The following SLC35F3 variants were observed in gnomAD, a reference collection of about 807,000 sequenced individuals.
SLC35F3 encodes the protein putative thiamine transporter SLC35F3.
In SLC35F3, 25 loss-of-function variants were observed where a neutral mutation model predicts 49.9. The observed-to-expected ratio is 0.50, with a 90% CI of 0.37 to 0.70. SLC35F3 has a LOEUF of 0.70. Ranked by LOEUF, SLC35F3 falls within the 30% of genes least tolerant of loss-of-function variation. The pLI is 0.00. For missense variants in SLC35F3, 525 were observed against 639.8 expected (o/e 0.82, Z 1.94); for synonymous variants, 275 against 265.4 (o/e 1.04, Z -0.35).
intron 3 of SLC35F3, among the ~76,000 whole-genome samples, chr1:234,254,187 T>C (rs781081843): frequency 1.3e-5 from 2 of 152,242 alleles, no homozygotes; most frequent in Non-Finnish European, 1.5e-5. Context: ...CTGGTTCATT[T>C]TTTTATGCCT....
At chr1:234,133,709 G>T (rs2102899428) in intron 2 of SLC35F3, among the ~76,000 whole-genome samples, 1 of 152,344 alleles carries the variant, frequency 6.6e-6, no homozygotes, top group South Asian at 2.1e-4. Flanking sequence ...TACCAAGTTA[G>T]AAATAAGATA....
At chr1:234,144,313 A>G (rs1359854556) in intron 2 of SLC35F3, among the ~76,000 whole-genome samples, 11 of 152,182 alleles carry the variant, frequency 7.2e-5, no homozygotes, top group African/African-American at 2.4e-4. Context: ...TTCCAAGGGC[A>G]GGTGCAGGAT....
chr1:234,320,929 A>G lies in SLC35F3; in HGVS notation c.1237+742A>G, dbSNP rs765284319. Among the ~76,000 whole-genome samples the G allele has an allele frequency of 1.3e-5, 2 of 152,118 alleles. No individual in the cohort carries two copies. Among genetic ancestry groups the G allele is most frequent in the African/African-American group, 2.4e-5 (1 of 41,410 alleles). On this transcript the variant is annotated intron_variant, in intron 7 of 7. Coordinates refer to ENST00000366618, the MANE Select transcript of SLC35F3 (RefSeq NM_173508.4). This position sits in a 1 kb window ranked among gnomAD's most constrained non-coding sequence, Gnocchi z 4.8. ...CCTAGGCATCCTTCTCTCAGCCAGA[A>G]AAGGGCTGTGAATCTGTCCTCCCCA...
At chr1:234,199,247 G>GA (rs370533027) in intron 2 of SLC35F3, among the ~76,000 whole-genome samples, 4 of 151,014 alleles carry the variant, frequency 2.6e-5, no homozygotes, top group South Asian at 4.2e-4. Flanking sequence ...AAAACGAAAA[G>GA]AAAAAAAACA....
chr1:233,970,231 G>T (rs1196943043), intron 2 of SLC35F3, among the ~76,000 whole-genome samples: 1 of 152,118 alleles, frequency 6.6e-6, no homozygotes, highest in African/African-American at 2.4e-5. Context: ...TTAGCACCCG[G>T]CCACCTTCTG....
intron 2 of SLC35F3, among the ~76,000 whole-genome samples, chr1:234,154,746 A>G (rs1394620390): frequency 6.6e-6 from 1 of 152,250 alleles, no homozygotes; most frequent in Non-Finnish European, 1.5e-5. Context: ...GGATGCCACC[A>G]TAATCTTTTT....
intron 2 of SLC35F3, among the ~76,000 whole-genome samples, chr1:234,019,485 T>C (rs1212593793): frequency 6.6e-6 from 1 of 152,188 alleles, no homozygotes; most frequent in Non-Finnish European, 1.5e-5. Flanking sequence ...AAAGAGTCGA[T>C]GTTGCAGCTT....
At chr1:234,050,004 A>G (rs1032622667) in intron 2 of SLC35F3, among the ~76,000 whole-genome samples, 1 of 152,188 alleles carries the variant, frequency 6.6e-6, no homozygotes, top group African/African-American at 2.4e-5. Context: ...TCCATGGTGT[A>G]TATGTGCCAC....
At chr1:234,094,040 C>T (rs1665083494) in intron 2 of SLC35F3, among the ~76,000 whole-genome samples, 1 of 152,232 alleles carries the variant, frequency 6.6e-6, no homozygotes, top group Admixed American at 6.5e-5. Context: ...GCACATGGCC[C>T]ACAGTCGCTG....
At chr1:234,081,857 C>T (rs946940335) in intron 2 of SLC35F3, among the ~76,000 whole-genome samples, 1 of 149,372 alleles carries the variant, frequency 6.7e-6, no homozygotes, top group Non-Finnish European at 1.5e-5. Context: ...TCTGCCTCAG[C>T]CTTCAGAGTA....
intron 2 of SLC35F3, among the ~76,000 whole-genome samples, chr1:233,983,232 C>T (rs921599311): frequency 2.6e-5 from 4 of 152,138 alleles, no homozygotes; most frequent in African/African-American, 9.7e-5. Flanking sequence ...TTTTTGCCAT[C>T]ATGAAACTTG....
intron 3 of SLC35F3, among the ~76,000 whole-genome samples, chr1:234,255,091 G>A (rs1004544198): frequency 1.3e-5 from 2 of 152,092 alleles, no homozygotes; most frequent in Admixed American, 1.3e-4. Context: ...GCCACCAACT[G>A]GGAGAAAATA....
chr1:234,189,475 C>T (rs1007585800), intron 2 of SLC35F3, among the ~76,000 whole-genome samples: 1 of 149,868 alleles, frequency 6.7e-6, no homozygotes, highest in African/African-American at 2.5e-5. Context: ...AACTTCAGAG[C>T]TCGAAGACAA....
intron 2 of SLC35F3, among the ~76,000 whole-genome samples, chr1:234,216,357 G>C (rs1488195399): frequency 6.6e-6 from 1 of 152,206 alleles, no homozygotes; most frequent in South Asian, 2.1e-4. Flanking sequence ...CACTGGAAGT[G>C]GGGCAGGACG....
chr1:234,151,859 C>G (rs954487359), intron 2 of SLC35F3, among the ~76,000 whole-genome samples: 1 of 151,996 alleles, frequency 6.6e-6, no homozygotes, highest in Non-Finnish European at 1.5e-5. Flanking sequence ...AACTATAATT[C>G]AAGAAAACTT....
chr1:234,093,885 AC>A (rs1440260845), intron 2 of SLC35F3, among the ~76,000 whole-genome samples: 1 of 152,218 alleles, frequency 6.6e-6, no homozygotes, highest in Non-Finnish European at 1.5e-5. Context: ...GGCAAGAAAA[AC>A]TGGAACACTC....
chr1:234,139,160 A>G (rs1665852105), intron 2 of SLC35F3, among the ~76,000 whole-genome samples: 3 of 152,202 alleles, frequency 2.0e-5, no homozygotes, highest in Non-Finnish European at 2.9e-5. Context: ...ACAACCCTAT[A>G]TGATTCCCAA....
At chr1:234,033,082 T>G (rs1664087010) in intron 2 of SLC35F3, among the ~76,000 whole-genome samples, 1 of 152,192 alleles carries the variant, frequency 6.6e-6, no homozygotes, top group Admixed American at 6.5e-5. Context: ...CCATTGTGGC[T>G]TTGATTTGCG....
chr1:233,906,597 G>A (rs1558174170), intron 2 of SLC35F3, among the ~76,000 whole-genome samples: 1 of 152,122 alleles, frequency 6.6e-6, no homozygotes, highest in African/African-American at 2.4e-5. Context: ...ACCTCAGTCC[G>A]TATGAGAAAT....
Sources: allele counts gnomAD v4.1 joint callset (sites outside exome capture counted in the v4.1 genomes callset), GRCh38; gene constraint gnomAD v4.1.1; non-coding constraint Gnocchi (gnomAD v3.1); transcripts MANE v1.5; gene names NCBI Gene and HGNC (gene_info 2026-07-23, HGNC 2026-07-21).